Variants in NBAS observed in about 807,000 individuals in gnomAD.
NBAS encodes the protein NBAS subunit of NRZ tethering complex.
In NBAS, 219 loss-of-function variants were observed where a neutral mutation model predicts 302.5. That is an observed-to-expected ratio of 0.72 (90% confidence interval 0.65 to 0.81). The LOEUF is 0.81. Among genes scored for constraint, NBAS ranks in the 30% least tolerant of loss-of-function variants. The pLI is 0.00. For synonymous variants in NBAS, 1,118 were observed against 1,021.6 expected, an observed-to-expected ratio of 1.09 and a Z score of -1.80; for missense variants, 2,932 against 2,841.6, an observed-to-expected ratio of 1.03 and a Z score of -0.72.
intron 22 of NBAS, among the ~76,000 whole-genome samples, chr2:15,426,096 C>T (rs920916738): frequency 1.1e-4 from 16 of 152,224 alleles, no homozygotes; most frequent in African/African-American, 2.2e-4. Context: ...AGCAACAGTA[C>T]ATTTTATAAA....
rs373101232 is a variant in NBAS, at chr2:15,473,364, G to A, written c.1600-17C>T. 1.7e-5 allele frequency: 28 copies of A among 1,612,998 alleles called. No individual in the cohort carries two copies. Among genetic ancestry groups the A allele is most frequent in the South Asian group, 1.1e-4 (10 of 90,986 alleles). ...ACTTTCAATCTTCAGATAAAAACAC[G>A]AGGACAGGAATGTTACATGACTGAA... On this transcript the variant is annotated splice_polypyrimidine_tract_variant and intron_variant, in intron 15 of 51. Transcript: ENST00000281513.
the NBAS span, among the ~76,000 whole-genome samples, chr2:15,008,597 CA>C: frequency 6.6e-6 from 1 of 152,208 alleles, no homozygotes; most frequent in Non-Finnish European, 1.5e-5. Context: ...CCTCATTCCT[CA>C]AGGTATAGAC....
intron 35 of NBAS, among the ~76,000 whole-genome samples, chr2:15,350,935 T>A (rs990034244): frequency 1.3e-5 from 2 of 152,212 alleles, no homozygotes; most frequent in African/African-American, 4.8e-5. Flanking sequence ...TGGCATTATC[T>A]ATTTAGGTTG....
chr2:15,366,066 A>G (rs1005829258), intron 32 of NBAS, among the ~76,000 whole-genome samples: 2 of 152,238 alleles, frequency 1.3e-5, no homozygotes, highest in Admixed American at 6.5e-5. Flanking sequence ...AACATCATTT[A>G]TGAGATGATT....
chr2:15,238,625 A>G lies in NBAS; in HGVS notation c.5786T>C (p.Ile1929Thr), dbSNP rs1226490082. 2.1e-5 allele frequency: 34 copies of G among 1,613,298 alleles called. No homozygotes were observed. In the Admixed American group the frequency reaches 5.0e-4, roughly 24 times the overall value. ...RKAIKTVKHF[I>T]EKPRKRNSED... ...TGAGTTTCTTTTCCTTGGCTTCTCA[A>G]TAAAATGTTTGACTGTCTTAATAGC... The change falls in exon 45 of 52, where the codon ATT becomes ACT. Residue 1929 changes from isoleucine (I) to threonine (T), a missense_variant. Transcript: ENST00000281513.
chr2:15,397,744 CT>C (rs1190211245), intron 26 of NBAS: 6 of 272,142 alleles, frequency 2.2e-5, no homozygotes, highest in Admixed American at 4.6e-5. Flanking sequence ...GGCTGTGGCC[CT>C]TTTTGGCATG....
At chr2:15,010,339 G>C in the NBAS span, among the ~76,000 whole-genome samples, 8 of 152,110 alleles carry the variant, frequency 5.3e-5, no homozygotes, top group Admixed American at 6.5e-5. Context: ...CCTTGATTTG[G>C]GGAACTTCTG....
the NBAS span, among the ~76,000 whole-genome samples, chr2:15,097,563 G>C: frequency 6.6e-6 from 1 of 152,018 alleles, no homozygotes; most frequent in Non-Finnish European, 1.5e-5. Flanking sequence ...AGCATGATGG[G>C]GTTCTGGTAA....
At chr2:15,312,508 C>T (rs1156702332) in intron 38 of NBAS, among the ~76,000 whole-genome samples, 1 of 152,054 alleles carries the variant, frequency 6.6e-6, no homozygotes, top group Non-Finnish European at 1.5e-5. Flanking sequence ...AACTGATGGC[C>T]TCAAGTGATC....
chr2:15,111,002 A>C, the NBAS span, among the ~76,000 whole-genome samples: 1 of 152,200 alleles, frequency 6.6e-6, no homozygotes, highest in African/African-American at 2.4e-5. Context: ...TCTATAAGAA[A>C]AGAAACAAAC....
chr2:14,911,179 C>A, the NBAS span, among the ~76,000 whole-genome samples: 7 of 152,210 alleles, frequency 4.6e-5, no homozygotes, highest in Non-Finnish European at 8.8e-5. Context: ...AACCATCTAC[C>A]AGCTTTTCAA....
the NBAS span, among the ~76,000 whole-genome samples, chr2:14,899,972 G>A: frequency 6.6e-6 from 1 of 152,202 alleles, no homozygotes; most frequent in Admixed American, 6.5e-5. Flanking sequence ...TAAGACATCA[G>A]TGATCAGTGA....
Position 15,296,430 on chromosome 2 carries a change from G to A in NBAS, c.4798-3664C>T, listed in dbSNP as rs529918027. 7.1e-4 allele frequency among the ~76,000 whole-genome samples: 108 copies of A among 152,108 alleles called. 1 individual carries two copies. The highest frequency in any genetic ancestry group is 2.2e-3 in the African/African-American group (91 of 41,484). On this transcript the variant is annotated intron_variant, in intron 40 of 51. Transcript: ENST00000281513. Reference sequence around the variant, plus strand: ...GGTGGCACTCACCTGTAGTCCCAGCGTAGGAGAATCACTTTAACCTAGGAG... The same window carrying A: ...GGTGGCACTCACCTGTAGTCCCAGCATAGGAGAATCACTTTAACCTAGGAG...
At chr2:15,253,790 T>C (rs894972499) in intron 44 of NBAS, among the ~76,000 whole-genome samples, 1 of 152,176 alleles carries the variant, frequency 6.6e-6, no homozygotes, top group Admixed American at 6.5e-5. Context: ...AGAATGCTGG[T>C]GTATAACAGA....
chr2:15,021,593 G>A, the NBAS span, among the ~76,000 whole-genome samples: 18 of 152,134 alleles, frequency 1.2e-4, no homozygotes, highest in African/African-American at 4.3e-4. Context: ...AAGGCCTTTG[G>A]GAGCTCATCC....
At chr2:15,346,851 G>A (rs186688041) in intron 35 of NBAS, among the ~76,000 whole-genome samples, 1 of 152,300 alleles carries the variant, frequency 6.6e-6, no homozygotes, top group East Asian at 1.9e-4. Context: ...GACCTTTGCA[G>A]GGACATAGAT....
rs548439528 is a variant in NBAS at position 15,363,125 on chromosome 2, C to T, written c.3817+3455G>A. Among the ~76,000 whole-genome samples, 7 of 152,270 alleles carry T rather than the reference C, an allele frequency of 4.6e-5. No homozygotes were observed. In the South Asian group the frequency reaches 1.0e-3, roughly 23 times the overall value. The stretch of plus-strand genomic sequence containing the variant: ...CTGGTGGTTGGGGAGAGATTCCCAC[C>T]TGTGAATGACAGCTTCAGGCCATAT... On this transcript the variant is annotated intron_variant, in intron 32 of 51. Coordinates refer to ENST00000281513, the MANE Select transcript of NBAS (RefSeq NM_015909.4).
At chr2:15,265,834 G>A (rs998224064) in intron 44 of NBAS, among the ~76,000 whole-genome samples, 2 of 152,156 alleles carry the variant, frequency 1.3e-5, no homozygotes, top group Non-Finnish European at 2.9e-5. Flanking sequence ...CCAGGCAAGA[G>A]GAGAGCAAAA....
chr2:15,515,935 G>T (rs1362824450), intron 9 of NBAS, among the ~76,000 whole-genome samples: 3 of 152,158 alleles, frequency 2.0e-5, no homozygotes, highest in Non-Finnish European at 4.4e-5. Flanking sequence ...CTTACTGCTT[G>T]TCTTCACTCT....
Sources: allele counts gnomAD v4.1 joint callset (sites outside exome capture counted in the v4.1 genomes callset), GRCh38; gene constraint gnomAD v4.1.1; transcripts MANE v1.5; gene names NCBI Gene and HGNC (gene_info 2026-07-23, HGNC 2026-07-21).